Variants in CSNK1G3 observed in about 807,000 individuals in gnomAD.
CSNK1G3 encodes casein kinase 1 gamma 3, also known as casein kinase I isoform gamma-3.
A neutral mutation model predicts 64.3 loss-of-function variants in CSNK1G3; 23 were observed. The ratio of observed to expected loss-of-function variants is 0.36; its 90% CI spans 0.26 to 0.51. The LOEUF is 0.51. Ranked by LOEUF, CSNK1G3 falls within the 20% of genes least tolerant of loss-of-function variation. The pLI, the probability that CSNK1G3 is intolerant of heterozygous loss-of-function variation, is 0.96. For missense variants in CSNK1G3, 357 were observed against 510.5 expected, an observed-to-expected ratio of 0.70 and a Z score of 2.90; for synonymous variants, 158 against 162.2, an observed-to-expected ratio of 0.97 and a Z score of 0.20.
intron 6 of CSNK1G3, among the ~76,000 whole-genome samples, chr5:123,582,403 T>C (rs973306176): frequency 1.3e-5 from 2 of 152,120 alleles, no homozygotes; most frequent in African/African-American, 2.4e-5. Flanking sequence ...CTTTCCTTAT[T>C]TGGGATTACA....
intron 4 of CSNK1G3, among the ~76,000 whole-genome samples, chr5:123,563,431 C>T (rs574793376): frequency 6.6e-6 from 1 of 152,024 alleles, no homozygotes; most frequent in Admixed American, 6.6e-5. Flanking sequence ...GCTGATCCTT[C>T]TGCCTTCTTG....
At chr5:123,536,352 C>G (rs1372862783) in intron 1 of CSNK1G3, among the ~76,000 whole-genome samples, 1 of 149,384 alleles carries the variant, frequency 6.7e-6, no homozygotes, top group East Asian at 2.0e-4. Flanking sequence ...AAATAAAAAG[C>G]TATATATTTA....
intron 1 of CSNK1G3, among the ~76,000 whole-genome samples, chr5:123,518,184 G>A (rs1212143770): frequency 6.6e-6 from 1 of 152,180 alleles, no homozygotes; most frequent in Non-Finnish European, 1.5e-5. Flanking sequence ...AGGAGGAAAT[G>A]TGACACCCTT....
intron 8 of CSNK1G3, among the ~76,000 whole-genome samples, chr5:123,589,996 A>G (rs1309145920): frequency 6.6e-6 from 1 of 152,162 alleles, no homozygotes; most frequent in Admixed American, 6.6e-5. Context: ...AAGCCAATAC[A>G]GATGCTTTCA....
chr5:123,586,222 T>C (rs1177038888), intron 6 of CSNK1G3, among the ~76,000 whole-genome samples: 1 of 152,196 alleles, frequency 6.6e-6, no homozygotes, highest in Non-Finnish European at 1.5e-5. Flanking sequence ...TCTGTAGTGA[T>C]GAAGGCAGAT....
intron 12 of CSNK1G3, among the ~76,000 whole-genome samples, chr5:123,613,253 C>T (rs952042215): frequency 1.3e-5 from 2 of 151,436 alleles, no homozygotes; most frequent in African/African-American, 4.9e-5. Flanking sequence ...CAGCATTTTC[C>T]CACAGCAGCC....
chr5:123,597,984 A>G (rs979605522), intron 10 of CSNK1G3, among the ~76,000 whole-genome samples: 1 of 152,172 alleles, frequency 6.6e-6, no homozygotes, highest in African/African-American at 2.4e-5. Context: ...GAAGTGAAGT[A>G]TTAGAGGTAC....
At chr5:123,569,199 A>G (rs1405576824) in intron 4 of CSNK1G3, among the ~76,000 whole-genome samples, 1 of 152,190 alleles carries the variant, frequency 6.6e-6, no homozygotes, top group African/African-American at 2.4e-5. Flanking sequence ...AAGCAAAAGG[A>G]TAGAGTAATT....
chr5:123,534,046 G>C (rs1208065148), intron 1 of CSNK1G3, among the ~76,000 whole-genome samples: 1 of 151,818 alleles, frequency 6.6e-6, no homozygotes, highest in African/African-American at 2.4e-5. Flanking sequence ...GAAATGTTTA[G>C]AGATAGAAAG....
At chr5:123,533,434 T>G (rs974753148) in intron 1 of CSNK1G3, among the ~76,000 whole-genome samples, 8 of 151,894 alleles carry the variant, frequency 5.3e-5, no homozygotes, top group African/African-American at 1.9e-4. Flanking sequence ...ATGATAGAGT[T>G]GCTTTTCTTT....
chr5:123,535,642 G>A (rs990655312), intron 1 of CSNK1G3, among the ~76,000 whole-genome samples: 1 of 152,026 alleles, frequency 6.6e-6, no homozygotes, highest in African/African-American at 2.4e-5. Context: ...ATAGGAAATG[G>A]CTTAGTTTCT....
intron 2 of CSNK1G3, 166 bp from the exon 3 acceptor site, chr5:123,552,941 T>C: frequency 2.4e-6 from 1 of 416,248 alleles, no homozygotes; most frequent in Non-Finnish European, 4.4e-6. Context: ...ATACATCGAG[T>C]TGATAATAAG....
chr5:123,515,496 T>G (rs563104958), intron 1 of CSNK1G3, among the ~76,000 whole-genome samples: 1 of 152,316 alleles, frequency 6.6e-6, no homozygotes, highest in African/African-American at 2.4e-5. Context: ...AATCTGTACG[T>G]GAGGAAAATT....
exon 13 of CSNK1G3, chr5:123,616,624 G>A (rs1749498801): frequency 1.3e-5 from 2 of 152,474 alleles, no homozygotes; most frequent in South Asian, 4.1e-4. Context: ...TTCAGGTTAA[G>A]CCAACAATGT....
intron 1 of CSNK1G3, among the ~76,000 whole-genome samples, chr5:123,523,297 A>G (rs77489816): frequency 0.015 from 2,299 of 152,290 alleles, 26 homozygotes; most frequent in Non-Finnish European, 0.02. Flanking sequence ...ATATATACAC[A>G]TAAATACACT....
Position 123,538,807 on chromosome 5 carries a change from A to T in CSNK1G3, c.-247-6610A>T, listed in dbSNP as rs890706709. Among the ~76,000 whole-genome samples, 59 of 152,252 alleles carry T rather than the reference A, an allele frequency of 3.9e-4. 1 individual carries two copies. The highest frequency in any genetic ancestry group is 1.4e-3 in the Admixed American group (22 of 15,288). The stretch of plus-strand genomic sequence containing the variant: ...ACACTCATATAAAATAATTTAGCCC[A>T]TTTGGAAGTGTTTGTATTTGTTTTT... On this transcript the variant is annotated intron_variant, in intron 1 of 12. Coordinates refer to ENST00000345990, the Ensembl canonical transcript of CSNK1G3.
chr5:123,588,434 C>A, exon 8 of CSNK1G3: 1 of 1,609,494 alleles, frequency 6.2e-7, no homozygotes, highest in Non-Finnish European at 8.5e-7. Context: ...TAGGCTGACA[C>A]ATTAAAGGAG....
chr5:123,553,573 TAC>T (rs1487768538), intron 3 of CSNK1G3, among the ~76,000 whole-genome samples: 25 of 152,328 alleles, frequency 1.6e-4, no homozygotes, highest in Non-Finnish European at 2.6e-4. Flanking sequence ...TTTAAATTGT[TAC>T]TTCATATATA....
chr5:123,569,876 C>A (rs982041052), intron 4 of CSNK1G3, among the ~76,000 whole-genome samples: 6 of 152,232 alleles, frequency 3.9e-5, no homozygotes, highest in Admixed American at 6.5e-5. Flanking sequence ...GGTAACTTTT[C>A]CTAGATTCCC....
Sources: allele counts gnomAD v4.1 joint callset (sites outside exome capture counted in the v4.1 genomes callset), GRCh38; gene constraint gnomAD v4.1.1; transcripts MANE v1.5; gene names NCBI Gene and HGNC (gene_info 2026-07-23, HGNC 2026-07-21).